Variants in DDX10 observed in about 807,000 individuals in gnomAD.
DDX10 encodes probable ATP-dependent RNA helicase DDX10.
In DDX10, 74 loss-of-function variants were observed where a neutral mutation model predicts 104.3. The observed-to-expected ratio is 0.71, with a 90% CI of 0.59 to 0.86. The LOEUF (loss-of-function observed/expected upper bound fraction) is 0.86, where lower values mean the gene tolerates loss of function less well. DDX10 is among the 40% of genes least tolerant of loss of function. DDX10 has a pLI of 0.00. For synonymous variants in DDX10, 351 were observed against 353.4 expected (o/e 0.99, Z 0.08); for missense variants, 952 against 1,040.0 (o/e 0.92, Z 1.16).
chr11:108,716,389 G>A (rs111469291), intron 11 of DDX10, among the ~76,000 whole-genome samples: 1 of 152,032 alleles, frequency 6.6e-6, no homozygotes, highest in Non-Finnish European at 1.5e-5. Context: ...GAGCCACTAC[G>A]CCTGGCCAGT....
chr11:108,745,088 C>T (rs1461267434), intron 13 of DDX10, among the ~76,000 whole-genome samples: 1 of 105,724 alleles, frequency 9.5e-6, no homozygotes, highest in Non-Finnish European at 1.9e-5. Flanking sequence ...CCTTCCTTTC[C>T]TTCTTCCTCC....
At chr11:108,772,341 T>C (rs945020123) in intron 13 of DDX10, among the ~76,000 whole-genome samples, 3 of 152,148 alleles carry the variant, frequency 2.0e-5, no homozygotes, top group African/African-American at 7.2e-5. Context: ...CTAAACCTAA[T>C]GACAAGTGTC....
chr11:108,855,264 G>C (rs1263549979), intron 16 of DDX10, among the ~76,000 whole-genome samples: 1 of 152,078 alleles, frequency 6.6e-6, no homozygotes, highest in Non-Finnish European at 1.5e-5. Context: ...CATAATCCTG[G>C]AATACAGCTT....
At position 108,693,634 on chromosome 11, in the gene DDX10, A is replaced by G. The variant is rs370402551; in HGVS notation, c.1223+34A>G. On this transcript the variant is annotated intron_variant, in intron 9 of 17. Transcript: ENST00000322536. The stretch of plus-strand genomic sequence containing the variant: ...ACTGACTAATTTCTTTTCTTTTGCT[A>G]CTATCTAAATAACAAAGCATGCTTT... 7 of 1,469,670 alleles carry G rather than the reference A, an allele frequency of 4.8e-6. No homozygotes were observed. The East Asian group carries it at 1.1e-4, about 24-fold the overall frequency. The allele number at this position is 1,469,670 out of a possible 1,614,324, so 91.0% of individuals were successfully genotyped here.
At chr11:108,684,818 C>T (rs1170034109) in intron 6 of DDX10, among the ~76,000 whole-genome samples, 7 of 148,944 alleles carry the variant, frequency 4.7e-5, no homozygotes, top group Non-Finnish European at 1.0e-4. Context: ...GTCCCACCAA[C>T]AGTGTAAAAG....
intron 13 of DDX10, among the ~76,000 whole-genome samples, chr11:108,787,901 G>T (rs1591818287): frequency 6.6e-6 from 1 of 152,248 alleles, no homozygotes; most frequent in Non-Finnish European, 1.5e-5. Flanking sequence ...TTGCACTCCA[G>T]CCTGGGCAAC....
chr11:108,692,066 C>T (rs1412004024), intron 8 of DDX10, 28 bp downstream of exon 8: 3 of 1,565,170 alleles, frequency 1.9e-6, no homozygotes, highest in South Asian at 2.4e-5. Context: ...CATGAAATTT[C>T]TGTGATTGTG....
At chr11:108,754,619 A>G (rs1002143996) in intron 13 of DDX10, among the ~76,000 whole-genome samples, 1 of 152,066 alleles carries the variant, frequency 6.6e-6, no homozygotes. Context: ...AATGAAATAG[A>G]TGAGTAAGGG....
chr11:108,876,586 C>G (rs1863156794), intron 16 of DDX10, among the ~76,000 whole-genome samples: 1 of 152,162 alleles, frequency 6.6e-6, no homozygotes, highest in Non-Finnish European at 1.5e-5. Flanking sequence ...TTGACTAGTT[C>G]TGTGATCTTG....
At chr11:108,868,620 G>A (rs1461165334) in intron 16 of DDX10, among the ~76,000 whole-genome samples, 3 of 152,050 alleles carry the variant, frequency 2.0e-5, no homozygotes, top group Admixed American at 6.6e-5. Context: ...CTGGTCTAAT[G>A]TTAGTTGAAA....
At chr11:108,742,853 C>T (rs145613577) in intron 13 of DDX10, among the ~76,000 whole-genome samples, 2 of 152,106 alleles carry the variant, frequency 1.3e-5, no homozygotes, top group African/African-American at 2.4e-5. Flanking sequence ...AAACTGAATC[C>T]CTGAAGAGAC....
At chr11:108,790,162 A>G (rs559872079) in intron 13 of DDX10, among the ~76,000 whole-genome samples, 1 of 152,332 alleles carries the variant, frequency 6.6e-6, no homozygotes, top group African/African-American at 2.4e-5. Context: ...AAATTCAACC[A>G]TAGATGTCCG....
rs543123150 is a variant in DDX10, at chr11:108,749,614, T to C, written c.1965+26152T>C. Among the ~76,000 whole-genome samples the C allele has an allele frequency of 2.6e-5, 4 of 152,300 alleles. No individual in the cohort carries two copies. The East Asian group carries it at 7.7e-4, about 29-fold the overall frequency. On this transcript the variant is annotated intron_variant, in intron 13 of 17. Coordinates refer to ENST00000322536, the MANE Select transcript of DDX10 (RefSeq NM_004398.4). Reference sequence around the variant, plus strand: ...GTTTTTCTGTAAATGTCAATAAATATAGCATCTGTAAGACAGAAGTTGGAT... The same window carrying C: ...GTTTTTCTGTAAATGTCAATAAATACAGCATCTGTAAGACAGAAGTTGGAT...
intron 16 of DDX10, among the ~76,000 whole-genome samples, chr11:108,863,385 T>G (rs1862965308): frequency 6.6e-6 from 1 of 152,242 alleles, no homozygotes; most frequent in Non-Finnish European, 1.5e-5. Context: ...CTTTGGATTA[T>G]GAGATGATTA....
intron 17 of DDX10, among the ~76,000 whole-genome samples, chr11:108,932,496 C>T (rs1197348889): frequency 6.6e-6 from 1 of 151,946 alleles, no homozygotes; most frequent in Non-Finnish European, 1.5e-5. Flanking sequence ...TTTTGCCAGT[C>T]TCCAGTCTTT....
chr11:108,733,389 A>T (rs2094314632), intron 13 of DDX10, among the ~76,000 whole-genome samples: 1 of 152,140 alleles, frequency 6.6e-6, no homozygotes, highest in South Asian at 2.1e-4. Flanking sequence ...AACTTGGACT[A>T]AGTATTTGTA....
intron 16 of DDX10, among the ~76,000 whole-genome samples, chr11:108,875,969 T>G (rs1863149111): frequency 1.3e-5 from 2 of 152,204 alleles, no homozygotes; most frequent in Admixed American, 6.5e-5. Context: ...CACTAGAGCA[T>G]GTGATGTTCT....
chr11:108,685,746 T>C (rs995329242), intron 6 of DDX10, among the ~76,000 whole-genome samples: 1 of 152,232 alleles, frequency 6.6e-6, no homozygotes, highest in African/African-American at 2.4e-5. Context: ...ATTTAAAAAA[T>C]ATGTATCTCT....
chr11:108,824,229 G>A (rs1357834979), intron 13 of DDX10, among the ~76,000 whole-genome samples: 1 of 152,152 alleles, frequency 6.6e-6, no homozygotes, highest in Non-Finnish European at 1.5e-5. Context: ...CTTTAGTAGA[G>A]ATGGGGTTTC....
Sources: gnomAD v4.1 joint callset for allele counts (sites outside exome capture counted in the v4.1 genomes callset) on GRCh38, gnomAD v4.1.1 for gene constraint, MANE v1.5 for transcripts, NCBI Gene and HGNC (gene_info 2026-07-23, HGNC 2026-07-21) for gene names.